RARB: variants seen among roughly 807,000 people sequenced by gnomAD.
RARB encodes the protein HBV-activated protein.
A neutral mutation model predicts 51.9 loss-of-function variants in RARB; 17 were observed. That is an observed-to-expected ratio of 0.33 (90% CI 0.22 to 0.49). RARB has a LOEUF of 0.49. Ranked by LOEUF, RARB falls within the 20% of genes least tolerant of loss-of-function variation. The pLI is 0.99. For synonymous variants in RARB, 215 were observed against 195.4 expected, an observed-to-expected ratio of 1.10 and a Z score of -0.84; for missense variants, 369 against 550.8, an observed-to-expected ratio of 0.67 and a Z score of 3.30.
intron 5 of RARB, among the ~76,000 whole-genome samples, chr3:25,386,703 T>G (rs1297983304): frequency 6.6e-6 from 1 of 152,194 alleles, no homozygotes; most frequent in Non-Finnish European, 1.5e-5. Flanking sequence ...CTACTTAAGA[T>G]TATGAGGAAC....
chr3:25,426,068 G>T (rs1457438429), upstream of RARB, among the ~76,000 whole-genome samples: 2 of 152,094 alleles, frequency 1.3e-5, no homozygotes, highest in Non-Finnish European at 2.9e-5. Flanking sequence ...CAGTTTCCAA[G>T]GAACTCTAAG....
chr3:25,022,766 G>A (rs1436025208), intron 2 of RARB, among the ~76,000 whole-genome samples: 4 of 152,168 alleles, frequency 2.6e-5, no homozygotes, highest in Non-Finnish European at 5.9e-5. Context: ...ACTCCAGGAA[G>A]AGGGAATGGC....
chr3:25,018,757 T>A (rs1697567505), intron 2 of RARB, among the ~76,000 whole-genome samples: 1 of 152,174 alleles, frequency 6.6e-6, no homozygotes, highest in Admixed American at 6.6e-5. Context: ...CAGGCTTAAG[T>A]TTGCTCATAG....
At chr3:25,346,414 A>T (rs1360524167) in intron 5 of RARB, among the ~76,000 whole-genome samples, 2 of 152,196 alleles carry the variant, frequency 1.3e-5, no homozygotes, top group East Asian at 3.9e-4. Context: ...AGTCCAAACA[A>T]AACTAATTAA....
At chr3:25,321,313 C>T (rs925525824) in intron 5 of RARB, among the ~76,000 whole-genome samples, 5 of 152,146 alleles carry the variant, frequency 3.3e-5, no homozygotes, top group South Asian at 2.1e-4. Flanking sequence ...GTACTGCTTC[C>T]GCCAAGCCAA....
intron 5 of RARB, among the ~76,000 whole-genome samples, chr3:25,262,569 T>G (rs77580283): frequency 0.1 from 15,889 of 152,252 alleles, 1,067 homozygotes; most frequent in Non-Finnish European, 0.16. Context: ...CATTCCACGT[T>G]CATGGTCCCC....
At chr3:24,903,396 T>C (rs917688699) in intron 2 of RARB, among the ~76,000 whole-genome samples, 1 of 152,140 alleles carries the variant, frequency 6.6e-6, no homozygotes, top group African/African-American at 2.4e-5. Context: ...CTGATAAATA[T>C]TAAGTTTCCC....
intron 5 of RARB, among the ~76,000 whole-genome samples, chr3:25,251,569 G>C (rs925313362): frequency 3.9e-5 from 6 of 152,120 alleles, no homozygotes; most frequent in Non-Finnish European, 8.8e-5. Context: ...TGTGTGAAAT[G>C]ACATTTTATT....
intron 5 of RARB, among the ~76,000 whole-genome samples, chr3:25,292,440 A>G (rs111442099): frequency 1.1e-3 from 163 of 152,252 alleles, no homozygotes; most frequent in African/African-American, 3.8e-3. Flanking sequence ...CAAAGAGGGG[A>G]GCCAAATGCT....
intron 5 of RARB, among the ~76,000 whole-genome samples, chr3:25,406,345 G>A (rs138469275): frequency 6.6e-5 from 10 of 152,326 alleles, no homozygotes; most frequent in African/African-American, 1.4e-4. Flanking sequence ...TCAGGCTGCC[G>A]TAACAAAATT....
chr3:25,152,681 GT>G (rs1444128835), intron 4 of RARB, among the ~76,000 whole-genome samples: 5 of 152,098 alleles, frequency 3.3e-5, no homozygotes, highest in African/African-American at 4.8e-5. Flanking sequence ...ACATTAAACT[GT>G]TTAATATTTT....
chr3:24,886,875 G>T (rs745856942), intron 2 of RARB, among the ~76,000 whole-genome samples: 1 of 152,160 alleles, frequency 6.6e-6, no homozygotes, highest in Non-Finnish European at 1.5e-5. Context: ...AGCTTTTAGG[G>T]TCCACAATGT....
intron 2 of RARB, among the ~76,000 whole-genome samples, chr3:24,889,057 G>A (rs747940645): frequency 1.3e-5 from 2 of 152,188 alleles, no homozygotes; most frequent in African/African-American, 2.4e-5. Context: ...GGGACGTTCT[G>A]CTGAGGGCAG....
At chr3:24,969,944 T>C (rs1233827829) in intron 2 of RARB, among the ~76,000 whole-genome samples, 1 of 152,032 alleles carries the variant, frequency 6.6e-6, no homozygotes, top group Non-Finnish European at 1.5e-5. Context: ...TAATCTTAGA[T>C]TGGATAGGAC....
intron 2 of RARB, among the ~76,000 whole-genome samples, chr3:24,931,646 G>A (rs1695442168): frequency 6.6e-6 from 1 of 152,074 alleles, no homozygotes; most frequent in Admixed American, 6.6e-5. Flanking sequence ...ACAAAACTTT[G>A]CACTGAACAA....
intron 2 of RARB, among the ~76,000 whole-genome samples, chr3:25,035,646 T>C (rs1482599736): frequency 6.6e-6 from 1 of 152,176 alleles, no homozygotes; most frequent in African/African-American, 2.4e-5. Context: ...GCCAGCAGAC[T>C]TTTTTCTACA....
intron 2 of RARB, among the ~76,000 whole-genome samples, chr3:24,928,858 CT>C (rs1321464441): frequency 1.3e-5 from 2 of 151,936 alleles, no homozygotes; most frequent in Non-Finnish European, 2.9e-5. Context: ...ACTAAGCATC[CT>C]TATTTCACAT....
At chr3:24,937,747 G>A (rs1208020567) in intron 2 of RARB, among the ~76,000 whole-genome samples, 2 of 152,168 alleles carry the variant, frequency 1.3e-5, no homozygotes, top group Non-Finnish European at 2.9e-5. Context: ...ACGCTGGCAG[G>A]TGGGTGGAGC....
chr3:25,204,149 A>G (rs147620119), intron 5 of RARB, among the ~76,000 whole-genome samples: 5,173 of 151,564 alleles, frequency 0.034, 117 homozygotes, highest in Middle Eastern at 0.095. Context: ...TTTTTCTCTA[A>G]CTTCTCTTCT....
Sources: allele counts gnomAD v4.1 joint callset (sites outside exome capture counted in the v4.1 genomes callset), GRCh38; gene constraint gnomAD v4.1.1; transcripts MANE v1.5; gene names NCBI Gene and HGNC (gene_info 2026-07-23, HGNC 2026-07-21).